The following AOAH variants were observed in gnomAD, a reference collection of about 807,000 sequenced individuals.
AOAH encodes acyloxyacyl hydrolase.
A neutral mutation model predicts 92.2 loss-of-function variants in AOAH; 64 were observed. That is an observed-to-expected ratio of 0.69 (90% confidence interval 0.57 to 0.86). The LOEUF is 0.86. Ranked by LOEUF, AOAH falls within the 40% of genes least tolerant of loss-of-function variation. The pLI is 0.00. For missense variants in AOAH, 656 were observed against 694.6 expected (o/e 0.94, Z 0.62); for synonymous variants, 263 against 254.5 (o/e 1.03, Z -0.32).
At chr7:36,521,849 C>A (rs1264867439) in intron 20 of AOAH, among the ~76,000 whole-genome samples, 190 bp downstream of exon 20, 1 of 152,178 alleles carries the variant, frequency 6.6e-6, no homozygotes, top group African/African-American at 2.4e-5. Context: ...ATAATTTCTA[C>A]TTTATTTCCC....
At chr7:36,624,699 T>C (rs987558054) in intron 6 of AOAH, among the ~76,000 whole-genome samples, 1 of 152,210 alleles carries the variant, frequency 6.6e-6, no homozygotes, top group African/African-American at 2.4e-5. Flanking sequence ...TCAGTGACTC[T>C]ACCTCTAGCC....
intron 12 of AOAH, among the ~76,000 whole-genome samples, chr7:36,590,203 T>C (rs913288994): frequency 6.6e-6 from 1 of 152,178 alleles, no homozygotes; most frequent in African/African-American, 2.4e-5. Context: ...AGTAATCTTT[T>C]CACCTCAGAT....
intron 13 of AOAH, among the ~76,000 whole-genome samples, chr7:36,571,034 AG>A (rs1788110313): frequency 2.6e-5 from 4 of 152,142 alleles, no homozygotes; most frequent in Admixed American, 2.6e-4. Flanking sequence ...GCGTGAGCAA[AG>A]GGCTCGCCTG....
At position 36,710,011 on chromosome 7, in the gene AOAH, G is replaced by C. The variant is rs77968821; in HGVS notation, c.127+14011C>G. The stretch of plus-strand genomic sequence containing the variant: ...AAATTCTCTCTTGTGATATTATCTG[G>C]GTGTTAAGTTTGAAGGCTCTTTTTG... On this transcript the variant is annotated intron_variant, in intron 1 of 20. Transcript: ENST00000617537. Among the ~76,000 whole-genome samples the C allele has an allele frequency of 2.2e-3, 338 of 152,122 alleles. 3 individuals are homozygous for C. The highest frequency in any genetic ancestry group is 7.9e-3 in the African/African-American group (328 of 41,480).
At chr7:36,580,902 G>C (rs1788884964) in intron 12 of AOAH, among the ~76,000 whole-genome samples, 2 of 152,158 alleles carry the variant, frequency 1.3e-5, no homozygotes, top group Admixed American at 1.3e-4. Flanking sequence ...ACACTCTGGG[G>C]CATGTAGGGA....
At chr7:36,675,453 C>T (rs951966938) in intron 2 of AOAH, among the ~76,000 whole-genome samples, 1 of 152,062 alleles carries the variant, frequency 6.6e-6, no homozygotes, top group Non-Finnish European at 1.5e-5. Flanking sequence ...CAAGAATAGA[C>T]AATTTTAAGA....
At chr7:36,582,493 G>A (rs1028909793) in intron 12 of AOAH, among the ~76,000 whole-genome samples, 9 of 152,156 alleles carry the variant, frequency 5.9e-5, no homozygotes, top group Non-Finnish European at 1.2e-4. Flanking sequence ...TTCAAAATGA[G>A]TAAAACTCAA....
intron 11 of AOAH, among the ~76,000 whole-genome samples, chr7:36,603,719 AG>A (rs972302471): frequency 2.0e-5 from 3 of 152,176 alleles, no homozygotes; most frequent in African/African-American, 7.2e-5. Context: ...GTCTGACCCA[AG>A]GGCCATAGTT....
intron 11 of AOAH, among the ~76,000 whole-genome samples, chr7:36,608,503 G>A (rs1046454667): frequency 1.3e-5 from 2 of 152,188 alleles, no homozygotes; most frequent in African/African-American, 4.8e-5. Flanking sequence ...GAAATAAATA[G>A]TCCAATTTTT....
In AOAH at chr7:36,659,196, T is replaced by C. The variant is rs1795057014; in HGVS notation, c.360A>G (p.Gln120=). ...TLEFCKQNTG[Q]PLCHLYPLPK... is the part of the protein sequence containing the mutation. ...GAAGAGGGTAGAGATGACACAATGG[T>C]TGGCCAGTGTTCTGTTTACAAAACT... is the stretch of plus-strand genomic sequence containing the variant. The change falls in exon 4 of 21, where the codon CAA becomes CAG. Residue 120 remains glutamine, a synonymous_variant. Coordinates refer to ENST00000617537, the MANE Select transcript of AOAH (RefSeq NM_001637.4). The C allele has an allele frequency of 1.2e-6, 2 of 1,613,888 alleles. No individual in the cohort carries two copies. Among genetic ancestry groups the C allele is most frequent in the Non-Finnish European group, 1.7e-6 (2 of 1,179,872 alleles).
intron 1 of AOAH, among the ~76,000 whole-genome samples, chr7:36,713,742 A>G (rs2116987378): frequency 6.6e-6 from 1 of 152,342 alleles, no homozygotes; most frequent in East Asian, 1.9e-4. Context: ...TACATAACAT[A>G]ATGAAGGCAG....
intron 4 of AOAH, among the ~76,000 whole-genome samples, chr7:36,648,122 C>T (rs1480602392): frequency 6.6e-6 from 1 of 151,986 alleles, no homozygotes; most frequent in African/African-American, 2.4e-5. Context: ...GATCCTCCTG[C>T]CTCAACCTCC....
chr7:36,618,397 A>G, intron 9 of AOAH, 52 bp from the exon 10 acceptor site: 1 of 1,532,532 alleles, frequency 6.5e-7, no homozygotes, highest in African/African-American at 1.4e-5. Flanking sequence ...TTTATGAGAT[A>G]CATATACTAA....
chr7:36,722,708 G>A (rs184341348), intron 1 of AOAH, among the ~76,000 whole-genome samples: 4 of 151,994 alleles, frequency 2.6e-5, no homozygotes, highest in African/African-American at 7.2e-5. Context: ...GCCAAGGGGG[G>A]CGGATCACGA....
At chr7:36,618,154 T>A (rs755979122) in intron 10 of AOAH, 143 bp downstream of exon 10, 35 of 620,902 alleles carry the variant, frequency 5.6e-5, no homozygotes, top group Admixed American at 8.6e-5. Flanking sequence ...TGATCTGTCA[T>A]GAAAATAAAT....
intron 11 of AOAH, chr7:36,600,028 C>T (rs1790435281): frequency 6.6e-6 from 1 of 152,308 alleles, no homozygotes; most frequent in South Asian, 2.1e-4. Context: ...ATGAATCTGT[C>T]CTACAAATAA....
At chr7:36,723,906 T>G in intron 1 of AOAH, 116 bp downstream of exon 1, 2 of 1,231,300 alleles carry the variant, frequency 1.6e-6, no homozygotes, top group Non-Finnish European at 2.2e-6. Flanking sequence ...TACTGGTGCC[T>G]TACCTGGAAT....
intron 18 of AOAH, among the ~76,000 whole-genome samples, chr7:36,531,081 T>C (rs1784663966): frequency 6.6e-6 from 1 of 152,224 alleles, no homozygotes; most frequent in Non-Finnish European, 1.5e-5. Context: ...AACTTTAGAA[T>C]GGTTACAACA....
intron 1 of AOAH, among the ~76,000 whole-genome samples, chr7:36,717,525 A>T (rs2117019654): frequency 6.6e-6 from 1 of 152,166 alleles, no homozygotes; most frequent in Non-Finnish European, 1.5e-5. Context: ...GTAGTCAACC[A>T]AAGGGTGGAG....
Sources: gnomAD v4.1 joint callset for allele counts (sites outside exome capture counted in the v4.1 genomes callset) on GRCh38, gnomAD v4.1.1 for gene constraint, MANE v1.5 for transcripts, NCBI Gene and HGNC (gene_info 2026-07-23, HGNC 2026-07-21) for gene names.